Variants in DYNC1LI1 observed in about 807,000 individuals in gnomAD.
DYNC1LI1 encodes the protein cytoplasmic dynein 1 light intermediate chain 1.
In DYNC1LI1, 19 loss-of-function variants were observed where a neutral mutation model predicts 63.8. The observed-to-expected ratio is 0.30, with a 90% CI of 0.21 to 0.44. The LOEUF is 0.44. Among genes scored for constraint, DYNC1LI1 ranks in the 20% least tolerant of loss-of-function variants. The pLI is 1.00. For synonymous variants in DYNC1LI1, 225 were observed against 232.3 expected, an observed-to-expected ratio of 0.97 and a Z score of 0.28; for missense variants, 565 against 630.2, an observed-to-expected ratio of 0.90 and a Z score of 1.11.
At chr3:32,545,306 G>A (rs1321322069) in intron 3 of DYNC1LI1, 200 bp from the exon 4 acceptor site, 18 of 585,482 alleles carry the variant, frequency 3.1e-5, no homozygotes, top group South Asian at 2.9e-4. Context: ...AACTGTTTAG[G>A]CCATCTGCTA....
chr3:32,549,968 T>C (rs915800498), intron 2 of DYNC1LI1, among the ~76,000 whole-genome samples: 5 of 152,176 alleles, frequency 3.3e-5, no homozygotes, highest in Non-Finnish European at 7.4e-5. Flanking sequence ...AGCAAAAGAA[T>C]AGAAATCATA....
chr3:32,566,768 C>A (rs1698266014), intron 2 of DYNC1LI1: 1 of 420,020 alleles, frequency 2.4e-6, no homozygotes, highest in Admixed American at 2.8e-5. Context: ...AACAAAAAAA[C>A]AAATATAATC....
In DYNC1LI1 at chr3:32,570,812, C is replaced by CGAGGCGGCTGAGGCGGTGGCGGTG. The variant is rs1287062218; in HGVS notation, c.-66_-43dup. The CGAGGCGGCTGAGGCGGTGGCGGTG allele has an allele frequency of 6.4e-7, 1 of 1,567,806 alleles. No individual in the cohort carries two copies. The highest frequency in any genetic ancestry group is 1.8e-5 in the Admixed American group (1 of 55,886). On this transcript the variant is annotated 5_prime_UTR_variant, in exon 1 of 13. Transcript: ENST00000273130. ...ACCACTCCCGGCAAGACTAAATGTG[C>CGAGGCGGCTGAGGCGGTGGCGGTG]GAGGCGGCTGAGGCGGTGGCGGTGG...
chr3:32,553,748 T>C (rs1177067147), intron 2 of DYNC1LI1, among the ~76,000 whole-genome samples: 2 of 152,352 alleles, frequency 1.3e-5, no homozygotes, highest in Middle Eastern at 3.4e-3. Context: ...GGGGCGTGAT[T>C]ATCTCCCATT....
intron 2 of DYNC1LI1, among the ~76,000 whole-genome samples, chr3:32,565,415 A>G (rs925121552): frequency 2.6e-5 from 4 of 152,212 alleles, no homozygotes; most frequent in African/African-American, 9.6e-5. Context: ...CCAGGATTAC[A>G]TATGTACCTT....
intron 2 of DYNC1LI1, among the ~76,000 whole-genome samples, chr3:32,557,471 G>A (rs1408750215): frequency 5.9e-5 from 9 of 151,764 alleles, no homozygotes; most frequent in Non-Finnish European, 1.0e-4. Flanking sequence ...GCAGTGAGTC[G>A]AAATCGCACC....
At chr3:32,529,397 CTA>C in intron 11 of DYNC1LI1, 141 bp downstream of exon 11, 1 of 648,396 alleles carries the variant, frequency 1.5e-6, no homozygotes, top group Non-Finnish European at 2.3e-6. Context: ...ATCTGGTTAA[CTA>C]TGAGATTATA....
intron 2 of DYNC1LI1, among the ~76,000 whole-genome samples, chr3:32,555,746 C>T (rs758739148): frequency 1.3e-5 from 2 of 152,178 alleles, no homozygotes; most frequent in Non-Finnish European, 2.9e-5. Context: ...GTTAATGATA[C>T]ACTTGCTGAA....
intron 2 of DYNC1LI1, among the ~76,000 whole-genome samples, chr3:32,546,399 CTCTG>C (rs931683948): frequency 6.6e-6 from 1 of 151,966 alleles, no homozygotes; most frequent in African/African-American, 2.4e-5. Context: ...CAAAGCAAGA[CTCTG>C]TCTGAAGAAA....
At chr3:32,559,106 T>C (rs1027449060) in intron 2 of DYNC1LI1, among the ~76,000 whole-genome samples, 5 of 151,954 alleles carry the variant, frequency 3.3e-5, no homozygotes, top group Non-Finnish European at 7.4e-5. Context: ...CAGGCTAGTC[T>C]TGAACTTCTG....
chr3:32,533,243 T>C, intron 7 of DYNC1LI1, 146 bp from the exon 8 acceptor site: 1 of 1,303,464 alleles, frequency 7.7e-7, no homozygotes, highest in East Asian at 3.1e-5. Flanking sequence ...GATGTCCACG[T>C]TTTACTAATT....
At position 32,543,485 on chromosome 3, in the gene DYNC1LI1, C is replaced by T. The variant is rs534537179; in HGVS notation, c.568+1391G>A. Among the ~76,000 whole-genome samples, 423 of 150,266 alleles carry T rather than the reference C, an allele frequency of 2.8e-3. 4 individuals are homozygous for T. The highest frequency in any genetic ancestry group is 1.0e-2 in the African/African-American group (409 of 40,968). ...CGCAATCTCAGCTCACTGCAATCTC[C>T]GCCTCCTGGGTTCAAGCAATTCCCT... On this transcript the variant is annotated intron_variant, in intron 4 of 12. Transcript: ENST00000273130.
At chr3:32,562,560 C>T (rs1008299968) in intron 2 of DYNC1LI1, among the ~76,000 whole-genome samples, 2 of 152,178 alleles carry the variant, frequency 1.3e-5, no homozygotes, top group African/African-American at 4.8e-5. Context: ...AGGCTGGTCT[C>T]AAGCCATGCC....
In DYNC1LI1 at chr3:32,529,548, T is replaced by G. The variant is rs373462716; in HGVS notation, c.1298A>C (p.Asn433Thr). 3.2e-5 allele frequency: 52 copies of G among 1,606,580 alleles called. No individual in the cohort carries two copies. Among genetic ancestry groups the G allele is most frequent in the Non-Finnish European group, 4.2e-5 (49 of 1,176,118 alleles). ...CCTAGAAAGAGATGTACCTTTCATG[T>G]TTGGATCAATTTTTTTTGACCCAGC... ...IPAGSKKIDP[N>T]MKAGATSEGV... Residue 433 changes from asparagine to threonine, a missense_variant, in exon 11 of 13, where the codon AAC (asparagine) becomes ACC (threonine). Asn to Thr is a moderately conservative substitution (Grantham distance 65, BLOSUM62 0). Coordinates refer to ENST00000273130, the MANE Select transcript of DYNC1LI1 (RefSeq NM_016141.4).
chr3:32,562,124 C>T (rs1045617563), intron 2 of DYNC1LI1, among the ~76,000 whole-genome samples: 2 of 151,828 alleles, frequency 1.3e-5, no homozygotes, highest in South Asian at 4.2e-4. Context: ...AAATAATTAG[C>T]CAGGTATGGT....
At chr3:32,547,612 C>A (rs1213250525) in intron 2 of DYNC1LI1, among the ~76,000 whole-genome samples, 3 of 152,186 alleles carry the variant, frequency 2.0e-5, no homozygotes, top group Admixed American at 2.0e-4. Flanking sequence ...AGAAAGTCAA[C>A]ACACAGGCAT....
chr3:32,551,010 A>T (rs1360601350), intron 2 of DYNC1LI1, among the ~76,000 whole-genome samples: 1 of 152,116 alleles, frequency 6.6e-6, no homozygotes, highest in African/African-American at 2.4e-5. Flanking sequence ...ATTAAAAAAA[A>T]AAAAAAGAAA....
At position 32,545,093 on chromosome 3, in the gene DYNC1LI1, A is replaced by G; in HGVS notation, c.351T>C (p.Cys117=). The G allele has an allele frequency of 6.2e-7, 1 of 1,611,176 alleles. No homozygotes were observed. The highest frequency in any genetic ancestry group is 8.5e-7 in the Non-Finnish European group (1 of 1,177,358). Residue 117 remains cysteine (C), a synonymous_variant, in exon 4 of 13, where the codon TGT becomes TGC. Coordinates refer to ENST00000273130, the MANE Select transcript of DYNC1LI1 (RefSeq NM_016141.4). The part of the protein sequence containing the change: ...HDEDRDDQTR[C]NVWILDGDLY... ...GGTCTCCATCTAAGATCCAAACATT[A>G]CATCTTGTTTGATCTACAACAGACA...
intron 2 of DYNC1LI1, among the ~76,000 whole-genome samples, chr3:32,562,451 T>C (rs1045141810): frequency 6.6e-6 from 1 of 152,096 alleles, no homozygotes; most frequent in Non-Finnish European, 1.5e-5. Flanking sequence ...ATGAACCTTC[T>C]GCCTCAGCCT....
Sources: allele counts gnomAD v4.1 joint callset (sites outside exome capture counted in the v4.1 genomes callset), GRCh38; gene constraint gnomAD v4.1.1; transcripts MANE v1.5; gene names NCBI Gene and HGNC (gene_info 2026-07-23, HGNC 2026-07-21).